Variants in ACAP2 observed in about 807,000 individuals in gnomAD.
ACAP2 encodes the protein arf-GAP with coiled-coil, ANK repeat and PH domain-containing protein 2.
Under a neutral mutation model 115.8 loss-of-function variants are expected in ACAP2, and 39 were observed. The observed-to-expected ratio is 0.34, with a 90% CI of 0.26 to 0.44. The LOEUF (loss-of-function observed/expected upper bound fraction) is 0.44, where lower values mean the gene tolerates loss of function less well. Ranked by LOEUF, ACAP2 falls within the 20% of genes least tolerant of loss-of-function variation. The probability of loss-of-function intolerance (pLI) is 1.00; values close to 1 mark genes in which losing one functional copy is unlikely to be tolerated. For missense variants in ACAP2, 662 were observed against 927.6 expected, an observed-to-expected ratio of 0.71 and a Z score of 3.72; for synonymous variants, 289 against 315.8, an observed-to-expected ratio of 0.92 and a Z score of 0.90.
intron 4 of ACAP2, among the ~76,000 whole-genome samples, chr3:195,357,079 G>A (rs1268474275): frequency 6.6e-6 from 1 of 151,976 alleles, no homozygotes; most frequent in Non-Finnish European, 1.5e-5. Context: ...ACTACCCTAA[G>A]CCAGAAGGGA....
rs1051842993 is a variant in ACAP2 at position 195,351,439 on chromosome 3, T to C, written c.286-6122A>G. ...GCCAATAAATCCATATTTTTTCTTT[T>C]TCGTGTGTGTGTGTGTGTGTGTGTG... On this transcript the variant is annotated intron_variant, in intron 4 of 22. Transcript: ENST00000326793. 4.8e-5 allele frequency among the ~76,000 whole-genome samples: 5 copies of C among 105,034 alleles called. 1 individual carries two copies. In the South Asian group the frequency reaches 1.9e-3, roughly 39 times the overall value. 68.9% of individuals were successfully genotyped at this position (105,034 alleles called of 152,430 possible).
chr3:195,397,128 A>C (rs901983027), intron 1 of ACAP2, among the ~76,000 whole-genome samples: 2 of 152,206 alleles, frequency 1.3e-5, no homozygotes, highest in African/African-American at 4.8e-5. Context: ...AAACTGTTGT[A>C]TTCTTTTGTT....
At chr3:195,358,904 A>T (rs1191815727) in intron 4 of ACAP2, among the ~76,000 whole-genome samples, 3 of 152,200 alleles carry the variant, frequency 2.0e-5, no homozygotes, top group Admixed American at 1.3e-4. Flanking sequence ...ATTCCCAAAG[A>T]TCAAGGATAA....
intron 4 of ACAP2, among the ~76,000 whole-genome samples, chr3:195,365,516 A>G (rs928686744): frequency 6.6e-6 from 1 of 152,040 alleles, no homozygotes; most frequent in African/African-American, 2.4e-5. Flanking sequence ...GAGCAGTGCT[A>G]TGATCATGCC....
At chr3:195,311,784 G>A (rs1004134584) in intron 10 of ACAP2, among the ~76,000 whole-genome samples, 11 of 151,194 alleles carry the variant, frequency 7.3e-5, no homozygotes, top group East Asian at 4.0e-4. Flanking sequence ...TGATCCACCC[G>A]CCTCAGCCTC....
Position 195,274,949 on chromosome 3 carries a change from A to T in ACAP2, c.*4379T>A, listed in dbSNP as rs1268359660. The T allele has an allele frequency of 6.5e-6, 1 of 152,704 alleles. No individual in the cohort carries two copies. The highest frequency in any genetic ancestry group is 1.5e-5 in the Non-Finnish European group (1 of 68,038). The allele number at this position is 152,704 out of a possible 1,614,324, so 9.5% of individuals were successfully genotyped here. ...ATAAAAAGTAAATGGACTGTTGGTT[A>T]TACATTCTTTAAAATATACCTTTTC... On this transcript the variant is annotated 3_prime_UTR_variant, in exon 23 of 23. Coordinates refer to ENST00000326793, the MANE Select transcript of ACAP2 (RefSeq NM_012287.6).
At chr3:195,370,620 T>C (rs892865054) in intron 4 of ACAP2, among the ~76,000 whole-genome samples, 2 of 152,214 alleles carry the variant, frequency 1.3e-5, no homozygotes, top group African/African-American at 4.8e-5. Context: ...TCTGCTCCAG[T>C]ACTATGCTGT....
rs750725697 is a variant in ACAP2 at position 195,345,290 on chromosome 3, T to C, written c.313A>G (p.Ile105Val). The stretch of plus-strand genomic sequence containing the variant: ...ACAAAGTTCTGAAGCTGTGCCTTAA[T>C]TGATCTCTGAGTTTGGTCAAACAGG... ...TILFDQTQRS[I>V]KAQLQNFVKE... Residue 105 changes from isoleucine (I) to valine (V), a missense_variant, in exon 5 of 23, where the codon ATT becomes GTT. Ile to Val is a conservative substitution (Grantham distance 29). Transcript: ENST00000326793. 1.4e-5 allele frequency: 22 copies of C among 1,611,708 alleles called. No homozygotes were observed. In the South Asian group the frequency reaches 1.5e-4, roughly 11 times the overall value.
rs527942166 is a variant in ACAP2 at position 195,301,333 on chromosome 3, G to A, written c.1395+242C>T. 1.5e-3 allele frequency among the ~76,000 whole-genome samples: 228 copies of A among 152,162 alleles called. No individual in the cohort carries two copies. The highest frequency in any genetic ancestry group is 6.8e-3 in the Middle Eastern group (2 of 294). ...GATCTCCTGACCTCATGATCCGCCC[G>A]CCTCGGCTTCCTAAAGTGCTGGGAT... is the stretch of plus-strand genomic sequence containing the variant. On this transcript the variant is annotated intron_variant, in intron 15 of 22. Transcript: ENST00000326793.
intron 1 of ACAP2, among the ~76,000 whole-genome samples, chr3:195,435,402 G>A (rs143947212): frequency 0.017 from 2,519 of 151,918 alleles, 39 homozygotes; most frequent in Middle Eastern, 0.058. Context: ...TCCTGACCTC[G>A]TGATCCACCC....
At chr3:195,283,927 C>A (rs973350655) in intron 22 of ACAP2, among the ~76,000 whole-genome samples, 2 of 151,314 alleles carry the variant, frequency 1.3e-5, no homozygotes, top group Non-Finnish European at 2.9e-5. Context: ...TTGGTAAAAT[C>A]TTTTCTATAC....
chr3:195,389,325 C>T (rs1375283098), intron 2 of ACAP2, among the ~76,000 whole-genome samples: 1 of 152,198 alleles, frequency 6.6e-6, no homozygotes, highest in African/African-American at 2.4e-5. Context: ...CCACTCATAA[C>T]AGCAAAATAA....
At chr3:195,301,784 G>T in intron 14 of ACAP2, 140 bp from the exon 15 acceptor site, 1 of 1,120,630 alleles carries the variant, frequency 8.9e-7, no homozygotes, top group Non-Finnish European at 1.3e-6. Flanking sequence ...AATAATGAAT[G>T]ATGAACCAAA....
intron 4 of ACAP2, among the ~76,000 whole-genome samples, chr3:195,362,333 A>G (rs1732429059): frequency 6.6e-6 from 1 of 152,038 alleles, no homozygotes; most frequent in Admixed American, 6.6e-5. Flanking sequence ...AAAAAAAAAA[A>G]AAATCTTCCA....
rs112792775 is a variant in ACAP2 at position 195,304,564 on chromosome 3, T to C, written c.1116+1947A>G. On this transcript the variant is annotated intron_variant, in intron 13 of 22. Coordinates refer to ENST00000326793, the MANE Select transcript of ACAP2 (RefSeq NM_012287.6). ...ATGACTGCTCTCTACACAAACACAA[T>C]GACTGGAAGTTATTCTCTGGAGGAT... Among the ~76,000 whole-genome samples the C allele has an allele frequency of 5.8e-4, 88 of 152,266 alleles. 1 individual carries two copies. The highest frequency in any genetic ancestry group is 2.0e-3 in the African/African-American group (84 of 41,530).
At chr3:195,427,331 ATT>A (rs1379326300) in intron 1 of ACAP2, among the ~76,000 whole-genome samples, 1 of 152,246 alleles carries the variant, frequency 6.6e-6, no homozygotes, top group East Asian at 1.9e-4. Flanking sequence ...CTGTAAAATC[ATT>A]TTGTGTCGTT....
At chr3:195,324,705 G>A (rs1729661193) in intron 9 of ACAP2, among the ~76,000 whole-genome samples, 2 of 151,990 alleles carry the variant, frequency 1.3e-5, no homozygotes, top group South Asian at 4.1e-4. Context: ...AGTGAGCAGA[G>A]ATCGCGCCAC....
chr3:195,300,021 G>A (rs1444892592), intron 15 of ACAP2, among the ~76,000 whole-genome samples: 9 of 147,528 alleles, frequency 6.1e-5, no homozygotes, highest in Admixed American at 1.4e-4. Flanking sequence ...TCTACTTTCC[G>A]TCTTTCTTTT....
chr3:195,352,290 A>G (rs1410386243), intron 4 of ACAP2, among the ~76,000 whole-genome samples: 1 of 152,226 alleles, frequency 6.6e-6, no homozygotes, highest in African/African-American at 2.4e-5. Flanking sequence ...TAGGTTTGTG[A>G]TAAGTACATT....
Sources: gnomAD v4.1 joint callset for allele counts (sites outside exome capture counted in the v4.1 genomes callset) on GRCh38, gnomAD v4.1.1 for gene constraint, MANE v1.5 for transcripts, NCBI Gene and HGNC (gene_info 2026-07-23, HGNC 2026-07-21) for gene names.